RELN: variants seen among roughly 807,000 people sequenced by gnomAD.
The protein encoded by RELN is reelin.
RELN carries 108 observed loss-of-function variants against 427.6 expected under a neutral mutation model. The observed-to-expected ratio is 0.25, with a 90% CI of 0.22 to 0.30. RELN has a LOEUF of 0.30. Ranked by LOEUF, RELN falls within the 10% of genes least tolerant of loss-of-function variation. The probability of loss-of-function intolerance (pLI) is 1.00; values close to 1 mark genes in which losing one functional copy is unlikely to be tolerated. For synonymous variants in RELN, 1,524 were observed against 1,513.4 expected (o/e 1.01, Z -0.16); for missense variants, 3,715 against 4,302.8 (o/e 0.86, Z 3.82).
rs767597344 is a variant in RELN at position 103,773,458 on chromosome 7, C to CCTCT, written c.544+3095_544+3098dup. On this transcript the variant is annotated intron_variant, in intron 4 of 64. Transcript: ENST00000428762. ...CTCTCTCTCTCTCCCTCGCTCCCTC[C>CCTCT]CTCTCTCTCTCTCTCTCTCTCTTTC... is the stretch of plus-strand genomic sequence containing the variant. Among the ~76,000 whole-genome samples the CCTCT allele has an allele frequency of 2.2e-3, 271 of 120,808 alleles. 1 individual carries two copies. The highest frequency in any genetic ancestry group is 0.02 in the South Asian group (68 of 3,334). 79.3% of individuals were successfully genotyped at this position (120,808 alleles called of 152,430 possible).
intron 4 of RELN, among the ~76,000 whole-genome samples, chr7:103,760,910 T>G (rs892235740): frequency 6.6e-6 from 1 of 152,208 alleles, no homozygotes; most frequent in South Asian, 2.1e-4. Flanking sequence ...TATTACTTTT[T>G]GTATTTTATT....
Position 103,989,376 on chromosome 7 carries a change from C to CCGCCGG in RELN, c.-21_-20insCCGGCG. 1 of 1,442,442 alleles carries CCGCCGG rather than the reference C, an allele frequency of 6.9e-7. No individual in the cohort carries two copies. The allele number at this position is 1,442,442 out of a possible 1,614,324, so 89.4% of individuals were successfully genotyped here. The stretch of plus-strand genomic sequence containing the variant: ...CTCCATGCCGCCGCCGCCGCCGCCG[C>CCGCCGG]CGCCGCGCGCCCTACGCGCCGCTCG... On this transcript the variant is annotated 5_prime_UTR_variant, in exon 1 of 65. Transcript: ENST00000428762. The surrounding 1 kb of genome is among the most constrained non-coding windows in gnomAD (Gnocchi z 4.9).
At chr7:103,751,316 T>C (rs1188738494) in intron 5 of RELN, among the ~76,000 whole-genome samples, 1 of 152,232 alleles carries the variant, frequency 6.6e-6, no homozygotes, top group African/African-American at 2.4e-5. Flanking sequence ...CACTGGGTAA[T>C]TAAAATTACT....
intron 36 of RELN, among the ~76,000 whole-genome samples, chr7:103,560,944 T>A (rs1830628395): frequency 6.6e-6 from 1 of 152,198 alleles, no homozygotes; most frequent in Non-Finnish European, 1.5e-5. Flanking sequence ...TTAGTCAATT[T>A]CCCCATGCTG....
intron 31 of RELN, among the ~76,000 whole-genome samples, chr7:103,570,409 C>G (rs532291605): frequency 6.6e-6 from 1 of 152,256 alleles, no homozygotes; most frequent in South Asian, 2.1e-4. Flanking sequence ...TTGGTGAGTC[C>G]CCATCCAGAC....
intron 52 of RELN, 89 bp from the exon 53 acceptor site, chr7:103,501,011 GA>G (rs1829008810): frequency 8.5e-7 from 1 of 1,182,698 alleles, no homozygotes; most frequent in East Asian, 2.3e-5. Flanking sequence ...GTACTCAAGA[GA>G]AAAAACATTT....
chr7:103,560,226 C>T (rs1388406918), intron 36 of RELN, among the ~76,000 whole-genome samples: 3 of 152,132 alleles, frequency 2.0e-5, no homozygotes, highest in Non-Finnish European at 4.4e-5. Flanking sequence ...AACAAACAAG[C>T]TATTTTAATA....
rs73714478 is a variant in RELN, at chr7:103,611,188, G to T, written c.2896-381C>A. 6.9e-3 allele frequency among the ~76,000 whole-genome samples: 1,046 copies of T among 152,224 alleles called. 12 individuals carry two copies. The highest frequency in any genetic ancestry group is 0.024 in the African/African-American group (992 of 41,534). ...AATGGCAGATTGCTAAGACATGTAT[G>T]AATTTTATTCCCAGATCTATATATT... On this transcript the variant is annotated intron_variant, in intron 21 of 64. Transcript: ENST00000428762.
chr7:103,576,294 A>G (rs1831001218), intron 28 of RELN, among the ~76,000 whole-genome samples: 1 of 152,066 alleles, frequency 6.6e-6, no homozygotes, highest in South Asian at 2.1e-4. Flanking sequence ...CACATGCCAC[A>G]ATGCCCAGCT....
chr7:103,780,669 A>G (rs888980315), intron 3 of RELN, among the ~76,000 whole-genome samples: 4 of 152,030 alleles, frequency 2.6e-5, no homozygotes, highest in African/African-American at 9.7e-5. Flanking sequence ...TTCTGTTCCT[A>G]TGTTAGTTTG....
Position 103,497,973 on chromosome 7 carries a change from A to C in RELN, c.8844-47T>G, listed in dbSNP as rs376741154. On this transcript the variant is annotated intron_variant, in intron 54 of 64. Coordinates refer to ENST00000428762, the MANE Select transcript of RELN (RefSeq NM_005045.4). ...CCATCAGAATAATTCATTAGAACAA[A>C]TACTCTACTCAAGTCCTGGATAATT... is the stretch of plus-strand genomic sequence containing the variant. 3.1e-6 allele frequency: 5 copies of C among 1,603,636 alleles called. No individual in the cohort carries two copies. In the African/African-American group the frequency reaches 5.3e-5, roughly 17 times the overall value.
At chr7:103,852,833 C>CA (rs1793857559) in intron 2 of RELN, among the ~76,000 whole-genome samples, 1 of 151,950 alleles carries the variant, frequency 6.6e-6, no homozygotes, top group Non-Finnish European at 1.5e-5. Flanking sequence ...CATAAGAAAA[C>CA]ATCAACAGTT....
chr7:103,900,031 T>C (rs1010110130), intron 2 of RELN, among the ~76,000 whole-genome samples: 2 of 152,136 alleles, frequency 1.3e-5, no homozygotes, highest in African/African-American at 4.8e-5. Context: ...GTTGACATGA[T>C]TGTATATTTA....
At chr7:103,951,689 A>G (rs7786563) in intron 1 of RELN, among the ~76,000 whole-genome samples, 1 of 150,194 alleles carries the variant, frequency 6.7e-6, no homozygotes, top group South Asian at 2.1e-4. Flanking sequence ...TTTTTTTTTT[A>G]AAATACAGAG....
chr7:103,720,697 T>C (rs1450046415), intron 8 of RELN, among the ~76,000 whole-genome samples: 5 of 152,080 alleles, frequency 3.3e-5, no homozygotes, highest in African/African-American at 1.2e-4. Flanking sequence ...ATTGGATTGG[T>C]TGGATTCATT....
chr7:103,941,744 C>T lies in RELN; in HGVS notation c.227-24559G>A, dbSNP rs10254494. Among the ~76,000 whole-genome samples, 1,263 of 152,096 alleles carry T rather than the reference C, an allele frequency of 8.3e-3. 21 individuals are homozygous for T. Among genetic ancestry groups the T allele is most frequent in the African/African-American group, 0.029 (1,213 of 41,506 alleles). On this transcript the variant is annotated intron_variant, in intron 1 of 64. Transcript: ENST00000428762. ...AACAATGAACATTTGTTTACTACTT[C>T]CCTGGTAATCAAAGAGCTGGTGACT...
chr7:103,817,517 G>C (rs1792903926), intron 3 of RELN, among the ~76,000 whole-genome samples: 1 of 152,320 alleles, frequency 6.6e-6, no homozygotes, highest in Admixed American at 6.5e-5. Flanking sequence ...AATGGTAAAA[G>C]TTGTTAATAT....
At chr7:103,523,065 TG>T (rs1829746039) in intron 47 of RELN, among the ~76,000 whole-genome samples, 1 of 152,238 alleles carries the variant, frequency 6.6e-6, no homozygotes, top group Admixed American at 6.5e-5. Flanking sequence ...GTATTAGTTT[TG>T]GTCAGAACTT....
intron 2 of RELN, among the ~76,000 whole-genome samples, chr7:103,852,421 A>T (rs554489808): frequency 6.6e-6 from 1 of 152,300 alleles, no homozygotes; most frequent in South Asian, 2.1e-4. Context: ...GTCCTTTGGT[A>T]AATTATATGT....
Sources: allele counts gnomAD v4.1 joint callset (sites outside exome capture counted in the v4.1 genomes callset), GRCh38; gene constraint gnomAD v4.1.1; non-coding constraint Gnocchi (gnomAD v3.1); transcripts MANE v1.5; gene names NCBI Gene and HGNC (gene_info 2026-07-23, HGNC 2026-07-21).